The following IGFN1 variants were observed in gnomAD, a reference collection of about 807,000 sequenced individuals.
The protein encoded by IGFN1 is immunoglobulin like and fibronectin type III domain containing 1, also known as immunoglobulin-like and fibronectin type III domain-containing protein 1.
A neutral mutation model predicts 289.5 loss-of-function variants in IGFN1; 253 were observed. That is an observed-to-expected ratio of 0.87 (90% CI 0.79 to 0.97). The LOEUF (loss-of-function observed/expected upper bound fraction) is 0.97. Ranked by LOEUF, IGFN1 falls within the 50% of genes least tolerant of loss-of-function variation. IGFN1 has a pLI of 0.00. For synonymous variants in IGFN1, 1,706 were observed against 1,788.5 expected, an observed-to-expected ratio of 0.95 and a Z score of 1.16; for missense variants, 4,470 against 4,686.1, an observed-to-expected ratio of 0.95 and a Z score of 1.35.
In IGFN1 at chr1:201,228,750, G is replaced by A; in HGVS notation, c.*351G>A. Reference sequence around the variant, plus strand: ...TTATTTTCCTGGGCTGAGCCGTTTGGAGGGAGGGTGGGCACAGCTGGGCCT... The same window carrying A: ...TTATTTTCCTGGGCTGAGCCGTTTGAAGGGAGGGTGGGCACAGCTGGGCCT... On this transcript the variant is annotated 3_prime_UTR_variant, in exon 24 of 24. Transcript: ENST00000335211. The A allele has an allele frequency of 3.2e-6, 1 of 314,626 alleles. No homozygotes were observed. The allele number at this position is 314,626 out of a possible 1,614,324, so 19.5% of individuals were successfully genotyped here. A position where few individuals can be genotyped will look rare whatever the true frequency, so the allele number is the denominator to read the frequency against.
At position 201,208,998 on chromosome 1, in the gene IGFN1, G is replaced by T; in HGVS notation, c.4105G>T (p.Glu1369Ter). The change falls in exon 12 of 24, where the codon GAA becomes TAA. Residue 1369 changes from glutamate to a stop codon, truncating the protein, a stop_gained. Transcript: ENST00000335211. LOFTEE classifies it high-confidence loss of function. ...TAGCGGTGGTTTAAAGGGTTCCAGGGAAATCGGGTCAATGGATGAAACAGA... is the reference window on the plus strand; with the variant it reads ...TAGCGGTGGTTTAAAGGGTTCCAGGTAAATCGGGTCAATGGATGAAACAGA... Reference protein sequence around the residue: ...DYSGGLKGSREIGSMDETDNR... With the variant: ...DYSGGLKGSR The T allele has an allele frequency of 6.5e-7, 1 of 1,536,768 alleles. No homozygotes were observed. Among genetic ancestry groups the T allele is most frequent in the Non-Finnish European group, 8.7e-7 (1 of 1,146,808 alleles).
Position 201,228,731 on chromosome 1 carries a change from T to G in IGFN1, c.*332T>G. On this transcript the variant is annotated 3_prime_UTR_variant, in exon 24 of 24. Coordinates refer to ENST00000335211, the MANE Select transcript of IGFN1 (RefSeq NM_001164586.2). The stretch of plus-strand genomic sequence containing the variant: ...TGCAGGATGGGCCGGCTCCTTATTT[T>G]CCTGGGCTGAGCCGTTTGGAGGGAG... The G allele has an allele frequency of 2.8e-6, 1 of 360,808 alleles. No individual in the cohort carries two copies. The allele number at this position is 360,808 out of a possible 1,614,324, so 22.4% of individuals were successfully genotyped here.
rs918728468 is a variant in IGFN1 at position 201,207,263 on chromosome 1, G to A, written c.2370G>A (p.Glu790=). The A allele has an allele frequency of 5.2e-5, 80 of 1,536,798 alleles. No individual in the cohort carries two copies. The highest frequency in any genetic ancestry group is 7.0e-5 in the Non-Finnish European group (80 of 1,146,886). ...GAGGCTGCGAAGGTGTCCTACAGGA[G>A]CTCAGGGGAAGGGATGGCCAGGAAA... The part of the protein sequence containing the change: ...DPRGCEGVLQ[E]LRGRDGQETA... Residue 790 remains glutamate (E), a synonymous_variant, in exon 12 of 24, where the codon GAG becomes GAA. Coordinates refer to ENST00000335211, the MANE Select transcript of IGFN1 (RefSeq NM_001164586.2).
chr1:201,199,221 G>A, intron 5 of IGFN1, 113 bp from the exon 6 acceptor site: 1 of 888,092 alleles, frequency 1.1e-6, no homozygotes, highest in East Asian at 2.7e-5. Flanking sequence ...GAGGACAGTG[G>A]GGAGAGCAGG....
Position 201,209,070 on chromosome 1 carries a change from A to T in IGFN1, c.4177A>T (p.Arg1393Trp). 1 of 1,536,654 alleles carries T rather than the reference A, an allele frequency of 6.5e-7. No individual in the cohort carries two copies. The highest frequency in any genetic ancestry group is 8.7e-7 in the Non-Finnish European group (1 of 1,146,774). The stretch of plus-strand genomic sequence containing the variant: ...TCCTGAGGGAATGGGTGCAGGTTAC[A>T]GGGCTGGTTTAAGGGGTCCTGGGGA... ...GVPEGMGAGY[R>W]AGLRGPGEMG... The change falls in exon 12 of 24, where the codon AGG becomes TGG. Residue 1393 changes from arginine (R) to tryptophan (W), a missense_variant. Around this residue, in one of 8 missense-constraint regions of IGFN1, gnomAD observed 2,011 missense variants for 1,953.4 expected, o/e 1.03. Transcript: ENST00000335211.
In IGFN1 at chr1:201,209,454, G is replaced by A. The variant is rs1156699418; in HGVS notation, c.4561G>A (p.Glu1521Lys). Residue 1521 changes from glutamate (E) to lysine (K), a missense_variant, in exon 12 of 24, where the codon GAA becomes AAA. Physicochemically the swap from Glu to Lys is moderately conservative, Grantham distance 56. Around this residue, in one of 8 missense-constraint regions of IGFN1, gnomAD observed 2,011 missense variants for 1,953.4 expected, o/e 1.03. Coordinates refer to ENST00000335211, the MANE Select transcript of IGFN1 (RefSeq NM_001164586.2). ...TTATAGGGGTGGCTTAGGTTCTGGG[G>A]AAATGGGGTCTGTGGATAAGGCAGG... The part of the protein sequence containing the change: ...AGYRGGLGSG[E>K]MGSVDKAGYR... 2.0e-6 allele frequency: 3 copies of A among 1,536,764 alleles called. No individual in the cohort carries two copies. In the South Asian group the frequency reaches 3.6e-5, roughly 18 times the overall value.
chr1:201,195,708 C>T (rs1345164316), intron 3 of IGFN1, 131 bp from the exon 4 acceptor site: 2 of 998,196 alleles, frequency 2.0e-6, no homozygotes, highest in Admixed American at 2.9e-5. Context: ...GGACCAAGGC[C>T]TGGCATCCTT....
rs373146550 is a variant in IGFN1, at chr1:201,195,857, G to A, written c.146G>A (p.Arg49Gln). Residue 49 changes from arginine to glutamine, a missense_variant, in exon 4 of 24, where the codon CGG becomes CAG. By Grantham distance (43) the Arg-to-Gln change is conservative. Around this residue, in one of 8 missense-constraint regions of IGFN1, gnomAD observed 2,011 missense variants for 1,953.4 expected, o/e 1.03. Coordinates refer to ENST00000335211, the MANE Select transcript of IGFN1 (RefSeq NM_001164586.2). ...GCTGCAGGGAAAAATGCTGTCTTTC[G>A]GGCTGTGGTCTGTGGGGAGCCCAGG... ...ALPEGKNAVF[R>Q]AVVCGEPRPE... The A allele has an allele frequency of 5.1e-5, 79 of 1,551,372 alleles. No individual in the cohort carries two copies. Among genetic ancestry groups the A allele is most frequent in the Middle Eastern group, 1.7e-4 (1 of 5,990 alleles).
At chr1:201,220,210 G>C (rs1341253665) in intron 18 of IGFN1, among the ~76,000 whole-genome samples, 1 of 134,570 alleles carries the variant, frequency 7.4e-6, no homozygotes, top group Non-Finnish European at 1.5e-5. Context: ...CTCTAACAGG[G>C]TCCACTCTTT....
At chr1:201,197,446 G>A (rs1343349081) in intron 5 of IGFN1, 129 bp downstream of exon 5, 1 of 656,352 alleles carries the variant, frequency 1.5e-6, no homozygotes, top group Admixed American at 2.1e-5. Context: ...TGCCGCTGCT[G>A]CAGCCCCACC....
intron 9 of IGFN1, 26 bp downstream of exon 9, chr1:201,201,858 G>C: frequency 1.0e-6 from 1 of 960,764 alleles, no homozygotes; most frequent in Non-Finnish European, 1.6e-6. Flanking sequence ...CTATGGGTGG[G>C]GGGGATCTGG....
intron 8 of IGFN1, among the ~76,000 whole-genome samples, chr1:201,201,347 T>C (rs1024090511): frequency 2.0e-5 from 3 of 152,216 alleles, no homozygotes; most frequent in African/African-American, 7.2e-5. Flanking sequence ...TCCTTAAACC[T>C]AACACCTAGG....
chr1:201,214,418 T>C (rs1222894896), intron 13 of IGFN1, 117 bp downstream of exon 13: 15 of 1,102,358 alleles, frequency 1.4e-5, no homozygotes, highest in Non-Finnish European at 1.9e-5. Context: ...TTTGCTAATG[T>C]ATCCACCTCA....
intron 20 of IGFN1, 165 bp downstream of exon 20, chr1:201,222,992 GGAA>G: frequency 2.0e-6 from 1 of 507,540 alleles, no homozygotes; most frequent in East Asian, 3.2e-5. Context: ...ACATGAGGCA[GGAA>G]GGATTCAGGT....
rs753026805 is a variant in IGFN1 at position 201,216,593 on chromosome 1, G to A, written c.9435G>A (p.Arg3145=). 4.3e-6 allele frequency: 7 copies of A among 1,613,810 alleles called. No homozygotes were observed. The highest frequency in any genetic ancestry group is 5.1e-6 in the Non-Finnish European group (6 of 1,179,872). ...TGGTGGAGAGACGGCAGGCTGGCAG[G>A]AGCACTTGGCTGAAGGTGGGCGAGG... ...CYVVERRQAG[R]STWLKVGEAP... Residue 3145 remains arginine (R), a synonymous_variant, in exon 16 of 24, where the codon AGG becomes AGA. Coordinates refer to ENST00000335211, the MANE Select transcript of IGFN1 (RefSeq NM_001164586.2).
intron 5 of IGFN1, among the ~76,000 whole-genome samples, chr1:201,198,238 C>A (rs1267137529): frequency 1.3e-5 from 2 of 152,202 alleles, no homozygotes; most frequent in Non-Finnish European, 2.9e-5. Context: ...CGGGTTCAAG[C>A]AATTCTCCTG....
At chr1:201,223,015 A>G in intron 20 of IGFN1, 188 bp downstream of exon 20, 1 of 461,150 alleles carries the variant, frequency 2.2e-6, no homozygotes, top group Non-Finnish European at 3.9e-6. Flanking sequence ...TCCTCCTTGA[A>G]GGTACTGCCC....
chr1:201,227,407 T>C (rs1295382431), intron 23 of IGFN1, among the ~76,000 whole-genome samples, 199 bp downstream of exon 23: 1 of 147,536 alleles, frequency 6.8e-6, no homozygotes, highest in African/African-American at 2.6e-5. Context: ...TGCCCACTTT[T>C]TAAAAAATTT....
chr1:201,217,244 C>A (rs1243308136), intron 16 of IGFN1, 43 bp from the exon 17 acceptor site: 2 of 1,594,480 alleles, frequency 1.3e-6, no homozygotes, highest in East Asian at 2.2e-5. Flanking sequence ...GAGCCGGCAC[C>A]TTTCCCAGGC....
Sources: allele counts gnomAD v4.1 joint callset (sites outside exome capture counted in the v4.1 genomes callset), GRCh38; gene constraint gnomAD v4.1.1; regional missense constraint gnomAD v4.1.1; transcripts MANE v1.5; gene names NCBI Gene and HGNC (gene_info 2026-07-23, HGNC 2026-07-21).